The following ZNF221 variants were observed in gnomAD, a reference collection of about 807,000 sequenced individuals.
ZNF221 encodes the protein zinc finger protein 221.
In ZNF221, 10 loss-of-function variants were observed where a neutral mutation model predicts 12.6. That is an observed-to-expected ratio of 0.79 (90% CI 0.49 to 1.34). The LOEUF (loss-of-function observed/expected upper bound fraction) is 1.34. Among genes scored for constraint, ZNF221 ranks in the 40% most tolerant of loss-of-function variants. The pLI, the probability that ZNF221 is intolerant of heterozygous loss-of-function variation, is 0.00. For synonymous variants in ZNF221, 232 were observed against 244.0 expected (o/e 0.95, Z 0.46); for missense variants, 661 against 721.4 (o/e 0.92, Z 0.96).
In ZNF221 at chr19:43,967,128, G is replaced by A; in HGVS notation, c.1626G>A (p.Gly542=). The change falls in exon 5 of 5, where the codon GGG becomes GGA. Residue 542 remains glycine (G), a synonymous_variant. Transcript: ENST00000587682. ...ACAAATGTGAGCAGTGTGAGAAGGG[G>A]TACAACAGTAAATTTAATCTTGACA... ...KLYKCEQCEK[G]YNSKFNLDMH... is the part of the protein sequence containing the mutation. 3 of 1,593,826 alleles carry A rather than the reference G, an allele frequency of 1.9e-6. No individual in the cohort carries two copies. The highest frequency in any genetic ancestry group is 2.7e-5 in the African/African-American group (2 of 74,508).
chr19:43,954,805 T>C (rs1974729817), intron 1 of ZNF221, among the ~76,000 whole-genome samples: 1 of 151,996 alleles, frequency 6.6e-6, no homozygotes, highest in Non-Finnish European at 1.5e-5. Flanking sequence ...AAAAGTGTAA[T>C]CATTATACTG....
At chr19:43,954,930 G>A (rs1974731853) in intron 1 of ZNF221, among the ~76,000 whole-genome samples, 1 of 152,074 alleles carries the variant, frequency 6.6e-6, no homozygotes, top group Admixed American at 6.6e-5. Flanking sequence ...CATTGGGTAT[G>A]AGCACACACT....
chr19:43,952,168 C>T (rs181633601), intron 1 of ZNF221, among the ~76,000 whole-genome samples: 33 of 151,890 alleles, frequency 2.2e-4, no homozygotes, highest in African/African-American at 7.7e-4. Flanking sequence ...CCACCGCGCC[C>T]GGCCGTCTTT....
At chr19:43,956,915 C>T (rs1974765244) in intron 1 of ZNF221, among the ~76,000 whole-genome samples, 1 of 152,136 alleles carries the variant, frequency 6.6e-6, no homozygotes. Context: ...AGAATAGATT[C>T]AGAGAAGCTT....
chr19:43,980,794 T>C, the ZNF221 span, among the ~76,000 whole-genome samples: 7 of 152,190 alleles, frequency 4.6e-5, no homozygotes, highest in Non-Finnish European at 7.3e-5. Context: ...TTATTCCTCA[T>C]TGAGGCGTGC....
At chr19:43,953,563 A>G (rs1022370848) in intron 1 of ZNF221, among the ~76,000 whole-genome samples, 10 of 152,126 alleles carry the variant, frequency 6.6e-5, no homozygotes, top group African/African-American at 2.4e-4. Context: ...TGAAAGTCCC[A>G]TGCCTTTACT....
chr19:43,981,317 ATATT>A, the ZNF221 span, among the ~76,000 whole-genome samples: 45 of 152,346 alleles, frequency 3.0e-4, no homozygotes, highest in African/African-American at 1.1e-3. Context: ...AGGCAAGAGT[ATATT>A]TATACATTAC....
At chr19:43,965,515 C>CA (rs1186403630) in intron 4 of ZNF221, among the ~76,000 whole-genome samples, 190 bp downstream of exon 4, 1 of 152,162 alleles carries the variant, frequency 6.6e-6, no homozygotes, top group Non-Finnish European at 1.5e-5. Flanking sequence ...AATAATTTAT[C>CA]ATACAAGATT....
At chr19:43,965,461 A>C in intron 4 of ZNF221, 136 bp downstream of exon 4, 1 of 711,522 alleles carries the variant, frequency 1.4e-6, no homozygotes, top group Non-Finnish European at 2.2e-6. Context: ...TCCTTCTTTA[A>C]AGTTCCTTTG....
In ZNF221 at chr19:43,967,479, T is replaced by TA; in HGVS notation, c.*123_*124insA. On this transcript the variant is annotated 3_prime_UTR_variant, in exon 5 of 5. Transcript: ENST00000587682. Reference sequence around the variant, plus strand: ...GGAAGAGCTTTGTACATAGATCATATCTTTTTTTTTTTTTTTTGAGACAGA... The same window carrying TA: ...GGAAGAGCTTTGTACATAGATCATATACTTTTTTTTTTTTTTTTGAGACAGA... The TA allele has an allele frequency of 3.0e-6, 2 of 667,522 alleles. No individual in the cohort carries two copies. Among genetic ancestry groups the TA allele is most frequent in the Non-Finnish European group, 4.8e-6 (2 of 420,626 alleles). 41.3% of individuals were successfully genotyped at this position (667,522 alleles called of 1,614,324 possible).
chr19:43,972,477 GT>G (rs745494533), downstream of ZNF221, among the ~76,000 whole-genome samples: 5 of 151,832 alleles, frequency 3.3e-5, no homozygotes, highest in African/African-American at 1.2e-4. Context: ...CCAGGAGCTG[GT>G]TTTTTGAAAA....
chr19:43,965,345 G>A lies in ZNF221; in HGVS notation c.301+20G>A, dbSNP rs1230651099. The A allele has an allele frequency of 1.9e-6, 3 of 1,593,428 alleles. No individual in the cohort carries two copies. The highest frequency in any genetic ancestry group is 3.3e-4 in the Middle Eastern group (2 of 5,984). ...ATTCAGGTAAGAACCAAGTAACTGTGCATCCTTGTACATGACTCTTCCATC... is the reference window on the plus strand; with the variant it reads ...ATTCAGGTAAGAACCAAGTAACTGTACATCCTTGTACATGACTCTTCCATC... On this transcript the variant is annotated intron_variant, in intron 4 of 4. Transcript: ENST00000587682.
the ZNF221 span, chr19:43,976,947 A>T: frequency 1.3e-5 from 2 of 152,252 alleles, no homozygotes; most frequent in Admixed American, 1.3e-4. Context: ...GGATGATGTC[A>T]CTTAATTTTA....
intron 1 of ZNF221, chr19:43,960,250 G>A (rs1391939047): frequency 6.6e-6 from 1 of 152,206 alleles, no homozygotes; most frequent in Non-Finnish European, 1.5e-5. Context: ...AAATTTCTGA[G>A]CAGCAAAGCA....
chr19:43,958,750 C>G (rs370209093), intron 1 of ZNF221, among the ~76,000 whole-genome samples: 2 of 152,148 alleles, frequency 1.3e-5, no homozygotes, highest in Non-Finnish European at 2.9e-5. Context: ...TATAGCAATT[C>G]GATAGCAGTG....
chr19:43,974,133 C>A, the ZNF221 span, among the ~76,000 whole-genome samples: 13,895 of 152,118 alleles, frequency 0.091, 819 homozygotes, highest in East Asian at 0.14. Context: ...ACAAACCTGA[C>A]AAAAACAAGC....
chr19:43,970,270 C>A (rs1975068806), downstream of ZNF221, among the ~76,000 whole-genome samples: 1 of 152,162 alleles, frequency 6.6e-6, no homozygotes, highest in Non-Finnish European at 1.5e-5. Flanking sequence ...CAAGGGTCAG[C>A]AACCTCAAGA....
the ZNF221 span, chr19:43,977,116 CTAAG>C: frequency 6.6e-6 from 1 of 152,148 alleles, no homozygotes; most frequent in African/African-American, 2.4e-5. Flanking sequence ...TCATAACAAA[CTAAG>C]TGTCTTTGTG....
At chr19:43,968,079 C>T (rs1191745690), downstream of ZNF221, 5 of 152,354 alleles carry the variant, frequency 3.3e-5, no homozygotes, top group Admixed American at 3.3e-4. Flanking sequence ...AAATTTGATA[C>T]ATGTGGTAAG....
Sources: gnomAD v4.1 joint callset for allele counts (sites outside exome capture counted in the v4.1 genomes callset) on GRCh38, gnomAD v4.1.1 for gene constraint, MANE v1.5 for transcripts, NCBI Gene and HGNC (gene_info 2026-07-23, HGNC 2026-07-21) for gene names.